DDIAS: variants seen among roughly 807,000 people sequenced by gnomAD.
DDIAS encodes DNA damage induced apoptosis suppressor, also known as DNA damage-induced apoptosis suppressor protein.
A neutral mutation model predicts 15.7 loss-of-function variants in DDIAS; 14 were observed. The ratio of observed to expected loss-of-function variants is 0.89; its 90% CI spans 0.59 to 1.39. The LOEUF (loss-of-function observed/expected upper bound fraction) is 1.39. Ranked by LOEUF, DDIAS falls within the 40% of genes most tolerant of loss-of-function variation. DDIAS has a pLI of 0.00. For missense variants in DDIAS, 1,035 were observed against 1,130.9 expected (o/e 0.92, Z 1.22); for synonymous variants, 355 against 395.9 (o/e 0.90, Z 1.23).
chr11:82,910,015 G>T (rs1180182507), intron 1 of DDIAS, among the ~76,000 whole-genome samples: 3 of 152,018 alleles, frequency 2.0e-5, no homozygotes. Flanking sequence ...TTCTATGTTT[G>T]TCATCATCTT....
At chr11:82,907,708 A>G (rs1218307173) in intron 1 of DDIAS, among the ~76,000 whole-genome samples, 1 of 152,030 alleles carries the variant, frequency 6.6e-6, no homozygotes, top group African/African-American at 2.4e-5. Context: ...CCCAGCTAAT[A>G]TTTTTTATTA....
intron 3 of DDIAS, among the ~76,000 whole-genome samples, chr11:82,916,982 C>T (rs1433961005): frequency 1.3e-5 from 2 of 152,274 alleles, no homozygotes; most frequent in Middle Eastern, 3.4e-3. Context: ...TTTCTTAGAA[C>T]TTAAAGTGAC....
At chr11:82,911,612 T>C (rs1341859790) in intron 1 of DDIAS, among the ~76,000 whole-genome samples, 3 of 152,212 alleles carry the variant, frequency 2.0e-5, no homozygotes, top group Non-Finnish European at 4.4e-5. Context: ...CCCCTCAAAG[T>C]CATCCATGAG....
At chr11:82,911,787 T>C (rs1860534643) in intron 1 of DDIAS, among the ~76,000 whole-genome samples, 2 of 152,230 alleles carry the variant, frequency 1.3e-5, no homozygotes, top group African/African-American at 2.4e-5. Flanking sequence ...ATGGCAGCTA[T>C]GGCCTTAGGA....
In DDIAS at chr11:82,914,827, C is replaced by G; in HGVS notation, c.89C>G (p.Ser30Cys). Reference protein sequence around the residue: ...FIYPSCQKCFSRIILVSKRSN... With the variant: ...FIYPSCQKCFCRIILVSKRSN... Reference sequence around the variant, plus strand: ...TATCCATCATGTCAGAAGTGCTTCTCTAGGATAATCCTGGTCTCCAAAAGG... The same window carrying G: ...TATCCATCATGTCAGAAGTGCTTCTGTAGGATAATCCTGGTCTCCAAAAGG... The change falls in exon 3 of 6, where the codon TCT (serine) becomes TGT (cysteine). Residue 30 changes from serine to cysteine, a missense_variant. Coordinates refer to ENST00000533655, the MANE Select transcript of DDIAS (RefSeq NM_145018.4). 2.5e-6 allele frequency: 4 copies of G among 1,594,948 alleles called. No individual in the cohort carries two copies. Among genetic ancestry groups the G allele is most frequent in the Non-Finnish European group, 3.4e-6 (4 of 1,163,662 alleles).
intron 1 of DDIAS, among the ~76,000 whole-genome samples, chr11:82,906,497 A>G (rs904255685): frequency 6.6e-6 from 1 of 152,158 alleles, no homozygotes; most frequent in Admixed American, 6.5e-5. Context: ...TTTATTAGTG[A>G]GTTGTCTGCC....
intron 3 of DDIAS, among the ~76,000 whole-genome samples, chr11:82,923,801 T>C (rs1367370710): frequency 6.6e-6 from 1 of 152,118 alleles, no homozygotes; most frequent in Admixed American, 6.5e-5. Flanking sequence ...TATACAAACA[T>C]AGACATACAT....
chr11:82,928,906 A>G lies in DDIAS; in HGVS notation c.243A>G (p.Thr81=), dbSNP rs754409597. 2.5e-6 allele frequency: 4 copies of G among 1,612,190 alleles called. No individual in the cohort carries two copies. Among genetic ancestry groups the G allele is most frequent in the Non-Finnish European group, 3.4e-6 (4 of 1,179,612 alleles). The change falls in exon 4 of 6, where the codon ACA becomes ACG. Residue 81 remains threonine, a synonymous_variant. Coordinates refer to ENST00000533655, the MANE Select transcript of DDIAS (RefSeq NM_145018.4). ...VITVFGSCLD[T]FFGLTATGLH... is the part of the protein sequence containing the mutation. ...CTGTATTTGGAAGTTGCTTAGATACATTTTTTGGTCTTACTGCCACTGGTT... is the reference window on the plus strand; with the variant it reads ...CTGTATTTGGAAGTTGCTTAGATACGTTTTTTGGTCTTACTGCCACTGGTT...
intron 3 of DDIAS, among the ~76,000 whole-genome samples, chr11:82,924,836 TA>T (rs71274459): frequency 5.4e-4 from 79 of 145,974 alleles, no homozygotes; most frequent in Non-Finnish European, 1.0e-3. Flanking sequence ...TGAATAAAAA[TA>T]AAAAAAAAAC....
At chr11:82,908,094 G>A (rs1860465773) in intron 1 of DDIAS, among the ~76,000 whole-genome samples, 1 of 152,150 alleles carries the variant, frequency 6.6e-6, no homozygotes, top group African/African-American at 2.4e-5. Flanking sequence ...CTAAAGTGGG[G>A]CTCTCTGAAG....
intron 1 of DDIAS, among the ~76,000 whole-genome samples, chr11:82,903,664 G>A (rs963818579): frequency 5.9e-5 from 9 of 151,806 alleles, no homozygotes; most frequent in African/African-American, 1.9e-4. Flanking sequence ...TATTTTTTAG[G>A]GACTTATTAT....
At position 82,932,944 on chromosome 11, in the gene DDIAS, A is replaced by T; in HGVS notation, c.1606A>T (p.Asn536Tyr). Residue 536 changes from asparagine (N) to tyrosine (Y), a missense_variant, in exon 6 of 6, where the codon AAT becomes TAT. Coordinates refer to ENST00000533655, the MANE Select transcript of DDIAS (RefSeq NM_145018.4). ...AGATATGTCAGAATATTTTTTACCGAATCCTTACCTGTCAGCTCTGTCTTC... is the reference window on the plus strand; with the variant it reads ...AGATATGTCAGAATATTTTTTACCGTATCCTTACCTGTCAGCTCTGTCTTC... ...GRDMSEYFLPNPYLSALSSSS... is the reference protein window; with the variant it reads ...GRDMSEYFLPYPYLSALSSSS... 6.2e-7 allele frequency: 1 copy of T among 1,612,052 alleles called. No homozygotes were observed. Among genetic ancestry groups the T allele is most frequent in the South Asian group, 1.1e-5 (1 of 90,932 alleles).
chr11:82,933,818 T>G lies in DDIAS; in HGVS notation c.2480T>G (p.Ile827Arg). 6.2e-7 allele frequency: 1 copy of G among 1,613,418 alleles called. No homozygotes were observed. The highest frequency in any genetic ancestry group is 8.5e-7 in the Non-Finnish European group (1 of 1,179,870). Residue 827 changes from isoleucine to arginine, a missense_variant, in exon 6 of 6, where the codon ATA (isoleucine) becomes AGA (arginine). Ile to Arg is a moderately conservative substitution (Grantham distance 97, BLOSUM62 -3). Coordinates refer to ENST00000533655, the MANE Select transcript of DDIAS (RefSeq NM_145018.4). ...QQASPSCPKN[I>R]KTPSQKIRSP... is the part of the protein sequence containing the mutation. ...GCCAGCCCAAGCTGTCCAAAAAATA[T>G]AAAAACACCTAGCCAGAAAATCAGA...
chr11:82,911,476 G>A (rs10792663), intron 1 of DDIAS, among the ~76,000 whole-genome samples: 36,439 of 152,050 alleles, frequency 0.24, 4,755 homozygotes, highest in Admixed American at 0.3. Context: ...AAAGCAACTC[G>A]TCATAAGTTC....
chr11:82,921,492 T>C (rs768667275), intron 3 of DDIAS, among the ~76,000 whole-genome samples: 1 of 151,954 alleles, frequency 6.6e-6, no homozygotes. Context: ...TTTATGCTTT[T>C]AAGAGATTCT....
chr11:82,921,553 C>G (rs1340718506), intron 3 of DDIAS, among the ~76,000 whole-genome samples: 10 of 144,742 alleles, frequency 6.9e-5, no homozygotes, highest in Non-Finnish European at 6.1e-5. Context: ...CTCCTTTTCA[C>G]AGTTTTTTTC....
chr11:82,933,954 A>G lies in DDIAS; in HGVS notation c.2616A>G (p.Ile872Met). The G allele has an allele frequency of 6.2e-7, 1 of 1,612,548 alleles. No individual in the cohort carries two copies. Among genetic ancestry groups the G allele is most frequent in the Non-Finnish European group, 8.5e-7 (1 of 1,179,638 alleles). The change falls in exon 6 of 6, where the codon ATA becomes ATG. Residue 872 changes from isoleucine to methionine, a missense_variant. Ile to Met is a conservative substitution (Grantham distance 10). Coordinates refer to ENST00000533655, the MANE Select transcript of DDIAS (RefSeq NM_145018.4). ...GGGTCCCTCCTACCACACAAAAAAT[A>G]TTTCCTTCAGATATGCTTGGATTCC... ...DEWVPPTTQKIFPSDMLGFQG... is the reference protein window; with the variant it reads ...DEWVPPTTQKMFPSDMLGFQG...
intron 3 of DDIAS, among the ~76,000 whole-genome samples, chr11:82,917,437 A>C (rs1860655396): frequency 6.6e-6 from 1 of 152,202 alleles, no homozygotes; most frequent in African/African-American, 2.4e-5. Flanking sequence ...TTAGAATAAC[A>C]GTCTCCAGTC....
intron 1 of DDIAS, among the ~76,000 whole-genome samples, chr11:82,903,935 A>G (rs1381726409): frequency 1.3e-5 from 2 of 152,246 alleles, no homozygotes; most frequent in Non-Finnish European, 2.9e-5. Context: ...TAGTTTTTTA[A>G]AGGAGTAATT....
Sources: allele counts gnomAD v4.1 joint callset (sites outside exome capture counted in the v4.1 genomes callset), GRCh38; gene constraint gnomAD v4.1.1; transcripts MANE v1.5; gene names NCBI Gene and HGNC (gene_info 2026-07-23, HGNC 2026-07-21).